The following PAIP2 variants were observed in gnomAD, a reference collection of about 807,000 sequenced individuals.
PAIP2 encodes the protein poly(A) binding protein interacting protein 2.
Under a neutral mutation model 14.8 loss-of-function variants are expected in PAIP2, and 7 were observed. That is an observed-to-expected ratio of 0.47 (90% CI 0.27 to 0.89). The LOEUF (loss-of-function observed/expected upper bound fraction) is 0.89. Among genes scored for constraint, PAIP2 ranks in the 40% least tolerant of loss-of-function variants. The pLI, the probability that PAIP2 is intolerant of heterozygous loss-of-function variation, is 0.13. For missense variants in PAIP2, 122 were observed against 154.7 expected (o/e 0.79, Z 1.12); for synonymous variants, 47 against 45.3 (o/e 1.04, Z -0.15).
intron 1 of PAIP2, chr5:139,343,035 A>G (rs182362379): frequency 3.9e-5 from 6 of 152,306 alleles, no homozygotes; most frequent in African/African-American, 1.4e-4. Flanking sequence ...AGATTTCATT[A>G]GCACAGTTAG....
chr5:139,361,496 G>A (rs542192054), intron 1 of PAIP2, among the ~76,000 whole-genome samples: 4 of 152,210 alleles, frequency 2.6e-5, no homozygotes, highest in Admixed American at 6.5e-5. Context: ...TCTATTTTTA[G>A]TGATTTCAAA....
At chr5:139,363,043 C>G (rs1272574427) in intron 1 of PAIP2, among the ~76,000 whole-genome samples, 1 of 151,972 alleles carries the variant, frequency 6.6e-6, no homozygotes, top group Non-Finnish European at 1.5e-5. Context: ...GAGTTCAAGA[C>G]CAGCCTGGCC....
chr5:139,356,800 T>C (rs1375162721), intron 1 of PAIP2, among the ~76,000 whole-genome samples: 2 of 150,050 alleles, frequency 1.3e-5, no homozygotes, highest in Admixed American at 6.7e-5. Context: ...GGCAGGAGAA[T>C]CGCTTGAACC....
intron 3 of PAIP2, chr5:139,367,749 C>T (rs994933325): frequency 6.6e-6 from 1 of 152,230 alleles, no homozygotes; most frequent in Non-Finnish European, 1.5e-5. Context: ...ACTTGTTTAA[C>T]ATGGTTCCTT....
chr5:139,354,101 A>G (rs947621439), intron 1 of PAIP2, among the ~76,000 whole-genome samples: 2 of 152,178 alleles, frequency 1.3e-5, no homozygotes, highest in African/African-American at 4.8e-5. Flanking sequence ...CTACCTGTAT[A>G]AGTTACTTTT....
intron 3 of PAIP2, chr5:139,367,366 A>G (rs1757313558): frequency 6.6e-6 from 1 of 152,098 alleles, no homozygotes; most frequent in Admixed American, 6.5e-5. Context: ...GAAAATTTCT[A>G]GCTGTTCTTC....
intron 1 of PAIP2, among the ~76,000 whole-genome samples, chr5:139,348,176 G>A: frequency 6.6e-6 from 1 of 150,674 alleles, no homozygotes; most frequent in Middle Eastern, 3.4e-3. Flanking sequence ...TACGAGTGAT[G>A]AATTTATTTA....
chr5:139,354,187 T>G (rs1756838116), intron 1 of PAIP2, among the ~76,000 whole-genome samples: 1 of 152,222 alleles, frequency 6.6e-6, no homozygotes, highest in African/African-American at 2.4e-5. Context: ...CGACTCACTT[T>G]AGCTTTTCTT....
Position 139,369,695 on chromosome 5 carries a change from AAAAT to A in PAIP2, c.*904_*907del, listed in dbSNP as rs1413172550. On this transcript the variant is annotated 3_prime_UTR_variant, in exon 4 of 4. Coordinates refer to ENST00000265192, the MANE Select transcript of PAIP2 (RefSeq NM_016480.5). ...TTATATTTTTTCAAAAATATTTAAA[AAAAT>A]AAATAATAGTAGAACTGAGCAGATG... 1.3e-5 allele frequency: 2 copies of A among 152,654 alleles called. No individual in the cohort carries two copies. Among genetic ancestry groups the A allele is most frequent in the Non-Finnish European group, 2.9e-5 (2 of 68,034 alleles). 9.5% of individuals were successfully genotyped at this position (152,654 alleles called of 1,614,324 possible).
intron 3 of PAIP2, among the ~76,000 whole-genome samples, chr5:139,367,819 CGTGCTA>C (rs1757358595): frequency 6.6e-6 from 1 of 152,152 alleles, no homozygotes; most frequent in Non-Finnish European, 1.5e-5. Flanking sequence ...TTCCTTGTTC[CGTGCTA>C]TTCCTTTAAC....
chr5:139,349,458 A>G (rs1756660078), intron 1 of PAIP2, among the ~76,000 whole-genome samples: 1 of 151,866 alleles, frequency 6.6e-6, no homozygotes, highest in Admixed American at 6.6e-5. Context: ...CATGTTGGCC[A>G]GGATGGTCTC....
chr5:139,350,048 G>A (rs563836125), intron 1 of PAIP2, among the ~76,000 whole-genome samples: 35 of 150,818 alleles, frequency 2.3e-4, no homozygotes, highest in African/African-American at 7.3e-4. Flanking sequence ...GGTGGCGGGC[G>A]CCTGTAATCC....
chr5:139,349,567 G>A (rs1186109225), intron 1 of PAIP2, among the ~76,000 whole-genome samples: 2 of 152,062 alleles, frequency 1.3e-5, no homozygotes, highest in African/African-American at 4.8e-5. Flanking sequence ...ATTTTTAATT[G>A]ATAGGAAAAT....
At chr5:139,363,950 A>G (rs1757146276) in intron 2 of PAIP2, 28 bp downstream of exon 2, 1 of 1,602,130 alleles carries the variant, frequency 6.2e-7, no homozygotes. Context: ...ACATGTTTTT[A>G]TAGTCCATTC....
At chr5:139,350,150 G>A (rs1756682414) in intron 1 of PAIP2, among the ~76,000 whole-genome samples, 1 of 151,320 alleles carries the variant, frequency 6.6e-6, no homozygotes, top group Non-Finnish European at 1.5e-5. Context: ...ACTCCAGCCT[G>A]GGCAGCAAAG....
At chr5:139,368,030 C>G (rs1757380304) in intron 3 of PAIP2, among the ~76,000 whole-genome samples, 1 of 152,146 alleles carries the variant, frequency 6.6e-6, no homozygotes, top group Non-Finnish European at 1.5e-5. Flanking sequence ...GAAACCCCTT[C>G]TCTACTAAAA....
chr5:139,345,231 G>A (rs1454661338), intron 1 of PAIP2, among the ~76,000 whole-genome samples: 4 of 152,088 alleles, frequency 2.6e-5, no homozygotes, highest in African/African-American at 9.7e-5. Flanking sequence ...AATAGAGACG[G>A]GGTTTCACCG....
rs1164547889 is a variant in PAIP2, at chr5:139,363,812, A to G, written c.28A>G (p.Ser10Gly). Residue 10 changes from serine (S) to glycine (G), a missense_variant, in exon 2 of 4, where the codon AGC becomes GGC. This residue lies in a region of PAIP2 where 42 missense variants were observed against 36.7 expected (regional missense o/e 1.15). Transcript: ENST00000265192. ...GAAAGATCCAAGTCGCAGCAGTACT[A>G]GCCCAAGCATCATCAATGAAGATGT... Reference protein sequence around the residue: MKDPSRSSTSPSIINEDVII... With the variant: MKDPSRSSTGPSIINEDVII... 6.2e-7 allele frequency: 1 copy of G among 1,614,206 alleles called. No individual in the cohort carries two copies. The highest frequency in any genetic ancestry group is 1.7e-5 in the Admixed American group (1 of 60,028).
intron 1 of PAIP2, among the ~76,000 whole-genome samples, chr5:139,352,503 T>TTTTTTTTTTTTTTTTTTTTTTTTTG (rs1422182919): frequency 5.0e-4 from 62 of 124,416 alleles, no homozygotes; most frequent in Non-Finnish European, 7.7e-4. Flanking sequence ...TTTTTTGTTG[T>TTTTTTTTTTTTTTTTTTTTTTTTTG]TTTTTTTTTT....
Sources: gnomAD v4.1 joint callset for allele counts (sites outside exome capture counted in the v4.1 genomes callset) on GRCh38, gnomAD v4.1.1 for gene constraint, gnomAD v4.1.1 regional missense constraint, MANE v1.5 for transcripts, NCBI Gene and HGNC (gene_info 2026-07-23, HGNC 2026-07-21) for gene names.